The following MGAT4C variants were observed in gnomAD, a reference collection of about 807,000 sequenced individuals.
The protein encoded by MGAT4C is MGAT4 family member C.
MGAT4C carries 19 observed loss-of-function variants against 40.1 expected under a neutral mutation model. That is an observed-to-expected ratio of 0.47 (90% CI 0.33 to 0.70). MGAT4C has a LOEUF of 0.70. MGAT4C is among the 30% of genes least tolerant of loss of function. The pLI, the probability that MGAT4C is intolerant of heterozygous loss-of-function variation, is 0.02. For synonymous variants in MGAT4C, 181 were observed against 187.1 expected (o/e 0.97, Z 0.27); for missense variants, 491 against 563.2 (o/e 0.87, Z 1.30).
chr12:86,755,624 CTCCT>C (rs982949079), intron 1 of MGAT4C, among the ~76,000 whole-genome samples: 37 of 141,760 alleles, frequency 2.6e-4, no homozygotes, highest in Middle Eastern at 3.6e-3. Context: ...CTTTCTCTCT[CTCCT>C]TCCTTCCTTC....
At chr12:86,370,248 T>C (rs1168481906) in intron 3 of MGAT4C, among the ~76,000 whole-genome samples, 1 of 151,984 alleles carries the variant, frequency 6.6e-6, no homozygotes, top group Non-Finnish European at 1.5e-5. Flanking sequence ...ATATACATTA[T>C]GAAATGGAAA....
At chr12:86,216,950 C>T (rs1173225439) in intron 1 of MGAT4C, among the ~76,000 whole-genome samples, 1 of 152,038 alleles carries the variant, frequency 6.6e-6, no homozygotes, top group Non-Finnish European at 1.5e-5. Flanking sequence ...TCTTTATAAG[C>T]AATCCAAGCT....
At chr12:86,237,017 T>C (rs964618642) in intron 1 of MGAT4C, among the ~76,000 whole-genome samples, 1 of 150,542 alleles carries the variant, frequency 6.6e-6, no homozygotes, top group East Asian at 1.9e-4. Flanking sequence ...TATTTATATA[T>C]ATATATGTGT....
intron 4 of MGAT4C, among the ~76,000 whole-genome samples, chr12:86,330,707 T>C (rs1410776432): frequency 6.6e-6 from 1 of 152,208 alleles, no homozygotes; most frequent in South Asian, 2.1e-4. Flanking sequence ...CAAAATGTTT[T>C]GATTACTTAT....
chr12:86,358,923 C>T (rs1010736509), intron 3 of MGAT4C, among the ~76,000 whole-genome samples: 3 of 152,168 alleles, frequency 2.0e-5, no homozygotes, highest in African/African-American at 7.2e-5. Flanking sequence ...ATCAACAAGA[C>T]AGAAAGTTAA....
intron 2 of MGAT4C, among the ~76,000 whole-genome samples, chr12:86,595,902 A>G (rs1372667724): frequency 1.3e-5 from 2 of 152,164 alleles, no homozygotes; most frequent in Non-Finnish European, 2.9e-5. Context: ...GAACTCCAGT[A>G]TCACCACCTC....
intron 1 of MGAT4C, among the ~76,000 whole-genome samples, chr12:86,818,122 A>G (rs1952638961): frequency 6.6e-6 from 1 of 151,366 alleles, no homozygotes; most frequent in Non-Finnish European, 1.5e-5. Context: ...TGAAATTTAC[A>G]CAGGGGAGAA....
chr12:86,066,035 A>G (rs564763000), intron 1 of MGAT4C, among the ~76,000 whole-genome samples: 14 of 152,322 alleles, frequency 9.2e-5, no homozygotes, highest in African/African-American at 3.1e-4. Context: ...GAGAACTACA[A>G]ACCACTGCTC....
intron 2 of MGAT4C, among the ~76,000 whole-genome samples, chr12:86,483,698 T>A (rs1444404716): frequency 6.6e-6 from 1 of 151,080 alleles, no homozygotes; most frequent in Non-Finnish European, 1.5e-5. Context: ...CATATGGCAC[T>A]TATTTATTTG....
At chr12:86,169,561 C>T (rs1224476547) in intron 1 of MGAT4C, among the ~76,000 whole-genome samples, 3 of 152,120 alleles carry the variant, frequency 2.0e-5, no homozygotes, top group African/African-American at 4.8e-5. Context: ...ACAATTTATT[C>T]TATATTTTGT....
intron 4 of MGAT4C, among the ~76,000 whole-genome samples, chr12:86,287,200 CT>C (rs1042001421): frequency 2.3e-4 from 35 of 152,188 alleles, no homozygotes; most frequent in African/African-American, 8.4e-4. Flanking sequence ...CATTCCCACC[CT>C]ACACACACCA....
At chr12:85,994,621 C>G (rs567849024) in intron 2 of MGAT4C, among the ~76,000 whole-genome samples, 15 of 151,916 alleles carry the variant, frequency 9.9e-5, no homozygotes, top group Non-Finnish European at 2.2e-4. Context: ...AAATCCCCCC[C>G]CAGCCGCCAA....
At chr12:86,186,401 T>A (rs1307103805) in intron 1 of MGAT4C, among the ~76,000 whole-genome samples, 1 of 152,164 alleles carries the variant, frequency 6.6e-6, no homozygotes, top group Non-Finnish European at 1.5e-5. Context: ...TGTCCGTGGC[T>A]TTCAGAGAAT....
chr12:86,596,483 C>T (rs897830954), intron 2 of MGAT4C, among the ~76,000 whole-genome samples: 6 of 152,188 alleles, frequency 3.9e-5, no homozygotes, highest in African/African-American at 1.4e-4. Flanking sequence ...AAAAGATGGG[C>T]TCACAGATGC....
chr12:86,038,976 CT>C (rs1196622294), intron 2 of MGAT4C, among the ~76,000 whole-genome samples: 1 of 142,338 alleles, frequency 7.0e-6, no homozygotes, highest in Admixed American at 7.0e-5. Context: ...GGTTTTTTTT[CT>C]CCTTCGCTTA....
intron 2 of MGAT4C, among the ~76,000 whole-genome samples, chr12:86,624,346 T>C (rs1156602125): frequency 6.6e-6 from 1 of 152,150 alleles, no homozygotes; most frequent in Non-Finnish European, 1.5e-5. Context: ...TTCTGGTTGA[T>C]CCTGAGGTTT....
At chr12:86,613,723 C>T (rs1307481721) in intron 2 of MGAT4C, among the ~76,000 whole-genome samples, 1 of 151,892 alleles carries the variant, frequency 6.6e-6, no homozygotes, top group Non-Finnish European at 1.5e-5. Flanking sequence ...ATATGATTTT[C>T]AACATAATAA....
intron 2 of MGAT4C, among the ~76,000 whole-genome samples, chr12:86,572,796 G>A (rs10858442): frequency 0.84 from 127,369 of 151,948 alleles, 53,952 homozygotes; most frequent in East Asian, 0.96. Flanking sequence ...TCTTTTTCAC[G>A]GAGCCTGAAG....
chr12:86,136,205 G>A (rs1181217758), intron 1 of MGAT4C, among the ~76,000 whole-genome samples: 1 of 152,124 alleles, frequency 6.6e-6, no homozygotes, highest in Non-Finnish European at 1.5e-5. Flanking sequence ...GAATTATTGA[G>A]TCTTTTATGT....
Sources: gnomAD v4.1 joint callset for allele counts (sites outside exome capture counted in the v4.1 genomes callset) on GRCh38, gnomAD v4.1.1 for gene constraint, MANE v1.5 for transcripts, NCBI Gene and HGNC (gene_info 2026-07-23, HGNC 2026-07-21) for gene names.